ERCC6L2: variants seen among roughly 807,000 people sequenced by gnomAD.
ERCC6L2 encodes ERCC excision repair 6 like 2, also known as DNA excision repair protein ERCC-6-like 2.
In ERCC6L2, 77 loss-of-function variants were observed where a neutral mutation model predicts 132.0. That is an observed-to-expected ratio of 0.58 (90% CI 0.49 to 0.71). The LOEUF is 0.71. ERCC6L2 is among the 30% of genes least tolerant of loss of function. The pLI, the probability that ERCC6L2 is intolerant of heterozygous loss-of-function variation, is 0.00. For missense variants in ERCC6L2, 1,542 were observed against 1,837.6 expected (o/e 0.84, Z 2.94); for synonymous variants, 583 against 632.4 (o/e 0.92, Z 1.17).
chr9:95,957,392 C>G (rs1831658676), intron 13 of ERCC6L2, among the ~76,000 whole-genome samples: 1 of 145,734 alleles, frequency 6.9e-6, no homozygotes, highest in Non-Finnish European at 1.5e-5. Context: ...GCTTTTAGCT[C>G]TGTAATAAAC....
intron 5 of ERCC6L2, 127 bp downstream of exon 5, chr9:95,915,956 A>C (rs758499626): frequency 9.4e-6 from 9 of 961,610 alleles, no homozygotes; most frequent in Non-Finnish European, 1.2e-5. Context: ...GTTTGATCCC[A>C]GATGTGGTAT....
chr9:95,922,363 A>C lies in ERCC6L2; in HGVS notation c.1358A>C (p.Gln453Pro). 6.2e-7 allele frequency: 1 copy of C among 1,613,662 alleles called. No homozygotes were observed. The highest frequency in any genetic ancestry group is 1.1e-5 in the South Asian group (1 of 91,036). Reference sequence around the variant, plus strand: ...TATCTCAGTTACCTTACAGTCCTTCAGAAGGTAGCTAACCATGTCGCGCTA... The same window carrying C: ...TATCTCAGTTACCTTACAGTCCTTCCGAAGGTAGCTAACCATGTCGCGCTA... ...TLYLSYLTVLQKVANHVALLQ... is the reference protein window; with the variant it reads ...TLYLSYLTVLPKVANHVALLQ... Residue 453 changes from glutamine to proline, a missense_variant, in exon 8 of 19, where the codon CAG (glutamine) becomes CCG (proline). By Grantham distance (76) the Gln-to-Pro change is moderately conservative. Around this residue, in one of 4 missense-constraint regions of ERCC6L2, gnomAD observed 945 missense variants for 1,105.2 expected, o/e 0.86. Coordinates refer to ENST00000653738, the MANE Select transcript of ERCC6L2 (RefSeq NM_020207.7).
chr9:95,914,036 T>C (rs1247790016), intron 4 of ERCC6L2, among the ~76,000 whole-genome samples: 1 of 152,250 alleles, frequency 6.6e-6, no homozygotes, highest in East Asian at 1.9e-4. Flanking sequence ...TGAGGTCTTA[T>C]GCTAAGTATA....
chr9:95,951,987 C>T (rs1831353564), intron 12 of ERCC6L2, among the ~76,000 whole-genome samples: 1 of 151,434 alleles, frequency 6.6e-6, no homozygotes, highest in Non-Finnish European at 1.5e-5. Flanking sequence ...GGCCAACACA[C>T]TGAAACCCCG....
intron 17 of ERCC6L2, among the ~76,000 whole-genome samples, chr9:95,986,772 C>G (rs1302544950): frequency 1.3e-5 from 2 of 152,158 alleles, no homozygotes; most frequent in East Asian, 1.9e-4. Flanking sequence ...GCTGGGATTA[C>G]AGGCACAAGC....
rs73656587 is a variant in ERCC6L2, at chr9:95,931,534, G to A, written c.1751+2670G>A. 2.6e-3 allele frequency among the ~76,000 whole-genome samples: 400 copies of A among 152,248 alleles called. 3 individuals carry two copies. Among genetic ancestry groups the A allele is most frequent in the African/African-American group, 9.0e-3 (374 of 41,548 alleles). ...AGAATATATAGGAAGTAAATTTTCT[G>A]CATCTGTAAATACAGAAAATGTCTT... is the stretch of plus-strand genomic sequence containing the variant. On this transcript the variant is annotated intron_variant, in intron 11 of 18. Transcript: ENST00000653738.
intron 12 of ERCC6L2, among the ~76,000 whole-genome samples, chr9:95,948,803 A>AG (rs1226337881): frequency 4.0e-5 from 6 of 151,412 alleles, no homozygotes; most frequent in East Asian, 1.9e-4. Flanking sequence ...AAAAAAAAAA[A>AG]AAAAAGAAAA....
chr9:95,878,351 G>A (rs1246478271), intron 1 of ERCC6L2, among the ~76,000 whole-genome samples: 4 of 152,178 alleles, frequency 2.6e-5, no homozygotes, highest in African/African-American at 7.2e-5. Flanking sequence ...GTGGCATGGA[G>A]GAAAGTGATT....
At chr9:96,030,341 G>T (rs530372582) in intron 19 of ERCC6L2, among the ~76,000 whole-genome samples, 3 of 152,132 alleles carry the variant, frequency 2.0e-5, no homozygotes, top group Non-Finnish European at 4.4e-5. Flanking sequence ...TCCCTTCCAT[G>T]CTGTGGAAGC....
intron 11 of ERCC6L2, among the ~76,000 whole-genome samples, chr9:95,939,981 G>C (rs756117370): frequency 6.6e-6 from 1 of 152,144 alleles, no homozygotes; most frequent in Non-Finnish European, 1.5e-5. Flanking sequence ...GCTAGGTTCC[G>C]TCTTTGGCCT....
chr9:95,929,302 C>T (rs1414230085), intron 11 of ERCC6L2, among the ~76,000 whole-genome samples: 1 of 152,230 alleles, frequency 6.6e-6, no homozygotes, highest in Admixed American at 6.5e-5. Context: ...TCAACTGGAG[C>T]AGCTCTGCAG....
intron 11 of ERCC6L2, among the ~76,000 whole-genome samples, chr9:95,934,064 G>A (rs1830457242): frequency 6.6e-6 from 1 of 152,170 alleles, no homozygotes; most frequent in Admixed American, 6.6e-5. Flanking sequence ...GTGATACAGT[G>A]TAGGCAGCTG....
rs569063124 is a variant in ERCC6L2, at chr9:96,010,330, C to G, written c.3675-1895C>G. Among the ~76,000 whole-genome samples the G allele has an allele frequency of 2.0e-5, 3 of 152,332 alleles. No individual in the cohort carries two copies. In the South Asian group the frequency reaches 6.2e-4, roughly 32 times the overall value. ...GAAAGTTGTGAGTGTGCTTTATGGTCTGCCCCTAAAAGCAAAGGAAACACA... is the reference window on the plus strand; with the variant it reads ...GAAAGTTGTGAGTGTGCTTTATGGTGTGCCCCTAAAAGCAAAGGAAACACA... On this transcript the variant is annotated intron_variant, in intron 18 of 18. Transcript: ENST00000653738.
intron 6 of ERCC6L2, 78 bp downstream of exon 6, chr9:95,916,512 G>C: frequency 8.3e-7 from 1 of 1,208,488 alleles, no homozygotes; most frequent in Non-Finnish European, 1.1e-6. Flanking sequence ...TCTGTCTCCT[G>C]TGGCATTTTG....
intron 17 of ERCC6L2, among the ~76,000 whole-genome samples, chr9:95,979,600 T>C (rs756508683): frequency 1.3e-5 from 2 of 152,152 alleles, no homozygotes; most frequent in Non-Finnish European, 2.9e-5. Flanking sequence ...TGAAAGGCTA[T>C]CCTTTCTAGC....
intron 11 of ERCC6L2, among the ~76,000 whole-genome samples, chr9:95,938,409 G>A (rs1417158687): frequency 6.6e-6 from 1 of 151,914 alleles, no homozygotes; most frequent in Non-Finnish European, 1.5e-5. Flanking sequence ...TTTCTCTCTA[G>A]GAGTTCTATC....
chr9:95,948,939 A>G (rs970247103), intron 12 of ERCC6L2, among the ~76,000 whole-genome samples: 1 of 152,160 alleles, frequency 6.6e-6, no homozygotes, highest in Non-Finnish European at 1.5e-5. Context: ...AGTGTCTTAA[A>G]TACTCCAAGA....
downstream of ERCC6L2, among the ~76,000 whole-genome samples, chr9:96,022,373 G>C (rs992426987): frequency 6.6e-6 from 1 of 152,220 alleles, no homozygotes; most frequent in South Asian, 2.1e-4. Context: ...CGGCTGGCAG[G>C]TATGAAGCCC....
chr9:95,902,487 T>G (rs1400126450), intron 3 of ERCC6L2, among the ~76,000 whole-genome samples: 2 of 152,178 alleles, frequency 1.3e-5, no homozygotes, highest in African/African-American at 4.8e-5. Flanking sequence ...TTTTTTTAGT[T>G]CTTCATATGT....
Sources: gnomAD v4.1 joint callset for allele counts (sites outside exome capture counted in the v4.1 genomes callset) on GRCh38, gnomAD v4.1.1 for gene constraint, gnomAD v4.1.1 regional missense constraint, MANE v1.5 for transcripts, NCBI Gene and HGNC (gene_info 2026-07-23, HGNC 2026-07-21) for gene names.